CMSS1: variants seen among roughly 807,000 people sequenced by gnomAD.
CMSS1 encodes the protein cms1 ribosomal small subunit homolog.
In CMSS1, 33 loss-of-function variants were observed where a neutral mutation model predicts 43.5. The ratio of observed to expected loss-of-function variants is 0.76; its 90% CI spans 0.57 to 1.01. CMSS1 has a LOEUF of 1.01. Ranked by LOEUF, CMSS1 falls within the 50% of genes least tolerant of loss-of-function variation. The pLI, the probability that CMSS1 is intolerant of heterozygous loss-of-function variation, is 0.00. For synonymous variants in CMSS1, 115 were observed against 117.2 expected (o/e 0.98, Z 0.12); for missense variants, 313 against 326.4 (o/e 0.96, Z 0.32).
chr3:100,028,591 A>T (rs2064968672), intron 1 of CMSS1, among the ~76,000 whole-genome samples: 1 of 152,214 alleles, frequency 6.6e-6, no homozygotes, highest in Admixed American at 6.5e-5. Context: ...TAAAAATAAT[A>T]TGTATTTACC....
chr3:100,092,934 A>G (rs756679385), intron 1 of CMSS1, among the ~76,000 whole-genome samples: 4 of 151,886 alleles, frequency 2.6e-5, no homozygotes, highest in Non-Finnish European at 5.9e-5. Context: ...TATAAATATG[A>G]CATTCTCCTG....
chr3:99,899,295 C>T (rs1397718135), intron 1 of CMSS1, among the ~76,000 whole-genome samples: 3 of 152,180 alleles, frequency 2.0e-5, no homozygotes, highest in Admixed American at 6.5e-5. Flanking sequence ...TTTTGGTTTC[C>T]AATACCAAGT....
chr3:100,151,086 A>G (rs1296139312), intron 2 of CMSS1, among the ~76,000 whole-genome samples: 1 of 151,950 alleles, frequency 6.6e-6, no homozygotes, highest in Non-Finnish European at 1.5e-5. Flanking sequence ...TTTTCTTGCT[A>G]CTACTTTATT....
intron 1 of CMSS1, among the ~76,000 whole-genome samples, chr3:100,070,245 TGGGG>T (rs1365817400): frequency 1.3e-5 from 2 of 152,214 alleles, no homozygotes; most frequent in Non-Finnish European, 2.9e-5. Context: ...TTAGATTTTG[TGGGG>T]AGGTCAGTTG....
chr3:100,076,802 A>G (rs1233915561), intron 1 of CMSS1, among the ~76,000 whole-genome samples: 1 of 152,222 alleles, frequency 6.6e-6, no homozygotes, highest in Non-Finnish European at 1.5e-5. Flanking sequence ...AAAGTTGTTT[A>G]ATAAGATCTT....
chr3:100,004,893 G>C lies in CMSS1; in HGVS notation c.65-142080G>C, dbSNP rs561287767. 2.0e-4 allele frequency among the ~76,000 whole-genome samples: 31 copies of C among 152,302 alleles called. No individual in the cohort carries two copies. In the South Asian group the frequency reaches 3.1e-3, roughly 15 times the overall value. ...AGAGGCAGGAGAATTATTGGTGTCTGTTGGCAAGCAGATTCTCATAGCCTC... is the reference window on the plus strand; with the variant it reads ...AGAGGCAGGAGAATTATTGGTGTCTCTTGGCAAGCAGATTCTCATAGCCTC... On this transcript the variant is annotated intron_variant, in intron 1 of 9. Transcript: ENST00000421999.
intron 1 of CMSS1, among the ~76,000 whole-genome samples, chr3:100,067,000 A>ACC (rs2065676986): frequency 6.6e-6 from 1 of 152,196 alleles, no homozygotes; most frequent in Non-Finnish European, 1.5e-5. Context: ...CCATACACAT[A>ACC]TTGAGTGAGA....
In CMSS1 at chr3:99,846,458, G is replaced by A. The variant is rs184275200; in HGVS notation, c.64+28415G>A. On this transcript the variant is annotated intron_variant, in intron 1 of 9. Coordinates refer to ENST00000421999, the MANE Select transcript of CMSS1 (RefSeq NM_032359.4). ...TCTGTTTTGAAAGAGCTAAAATTAA[G>A]TTTGCCATTCCTTCTAGAGTTCTGG... is the stretch of plus-strand genomic sequence containing the variant. Among the ~76,000 whole-genome samples the A allele has an allele frequency of 3.5e-3, 527 of 152,302 alleles. 12 individuals carry two copies. The highest frequency in any genetic ancestry group is 5.9e-4 in the Non-Finnish European group (40 of 68,022).
At chr3:99,874,702 A>G (rs1705421355) in intron 1 of CMSS1, among the ~76,000 whole-genome samples, 1 of 152,226 alleles carries the variant, frequency 6.6e-6, no homozygotes, top group African/African-American at 2.4e-5. Context: ...AAACCATCCA[A>G]CAGAAATTAT....
intron 1 of CMSS1, among the ~76,000 whole-genome samples, chr3:99,858,235 G>A (rs1944069021): frequency 6.6e-6 from 1 of 152,158 alleles, no homozygotes; most frequent in African/African-American, 2.4e-5. Context: ...GGAGGCTGAG[G>A]CAGGCGGATC....
In CMSS1 at chr3:100,062,093, C is replaced by CTTTTTT. The variant is rs71907944; in HGVS notation, c.65-84849_65-84844dup. Among the ~76,000 whole-genome samples, 54 of 53,174 alleles carry CTTTTTT rather than the reference C, an allele frequency of 1.0e-3. 17 individuals carry two copies. Among genetic ancestry groups the CTTTTTT allele is most frequent in the African/African-American group, 3.4e-3 (38 of 11,236 alleles). 34.9% of individuals were successfully genotyped at this position (53,174 alleles called of 152,430 possible). ...CCACTTGTGGTTATCCTGTCTTCTT[C>CTTTTTT]TTTTTTTTTTTTTTTTTTTTTTTTT... On this transcript the variant is annotated intron_variant, in intron 1 of 9. Transcript: ENST00000421999.
intron 1 of CMSS1, among the ~76,000 whole-genome samples, chr3:100,014,802 T>G (rs1244553706): frequency 2.0e-5 from 3 of 149,140 alleles, no homozygotes; most frequent in Non-Finnish European, 4.5e-5. Context: ...ATCTTCATTC[T>G]ATTGATTTTT....
intron 1 of CMSS1, among the ~76,000 whole-genome samples, chr3:100,009,408 A>G (rs1710078912): frequency 6.6e-6 from 1 of 152,100 alleles, no homozygotes; most frequent in Non-Finnish European, 1.5e-5. Context: ...TGCTCCTGTT[A>G]GCAACCTGAG....
In CMSS1 at chr3:100,146,968, T is replaced by A. The variant is rs999163526; in HGVS notation, c.65-5T>A. The A allele has an allele frequency of 6.8e-6, 11 of 1,613,106 alleles. No individual in the cohort carries two copies. The East Asian group carries it at 2.5e-4, about 36-fold the overall frequency. Reference sequence around the variant, plus strand: ...TTTCTGATTTTCAAACTTTATATTTTCTAGAAGCATCAGATGGTGAAGGAG... The same window carrying A: ...TTTCTGATTTTCAAACTTTATATTTACTAGAAGCATCAGATGGTGAAGGAG... On this transcript the variant is annotated splice_polypyrimidine_tract_variant and splice_region_variant and intron_variant, in intron 1 of 9. Transcript: ENST00000421999.
At chr3:99,995,809 G>A (rs1709661545) in intron 1 of CMSS1, among the ~76,000 whole-genome samples, 1 of 152,176 alleles carries the variant, frequency 6.6e-6, no homozygotes, top group East Asian at 1.9e-4. Flanking sequence ...GCCCCTTTCA[G>A]CAATGGCCAG....
intron 1 of CMSS1, among the ~76,000 whole-genome samples, chr3:100,068,422 T>C (rs1471593090): frequency 1.3e-5 from 2 of 152,118 alleles, no homozygotes; most frequent in South Asian, 2.1e-4. Context: ...TAAACACATT[T>C]AACTACAAAA....
intron 1 of CMSS1, among the ~76,000 whole-genome samples, chr3:100,065,199 G>A (rs1559745423): frequency 6.6e-6 from 1 of 152,148 alleles, no homozygotes; most frequent in Non-Finnish European, 1.5e-5. Flanking sequence ...CAGACTTACT[G>A]AATCTGAATC....
chr3:99,861,510 T>C (rs755240016), intron 1 of CMSS1, among the ~76,000 whole-genome samples: 7 of 152,166 alleles, frequency 4.6e-5, no homozygotes, highest in Non-Finnish European at 8.8e-5. Flanking sequence ...ATGCTTTCAT[T>C]GTTTATCATT....
chr3:100,087,832 C>CTT lies in CMSS1; in HGVS notation c.65-59120_65-59119dup, dbSNP rs755041519. ...CAAAGATTTTCTCCTATTGTTTCAA[C>CTT]TTTTTTTTTTTTTTTTTTTTTTGAG... On this transcript the variant is annotated intron_variant, in intron 1 of 9. Transcript: ENST00000421999. 2.9e-3 allele frequency among the ~76,000 whole-genome samples: 327 copies of CTT among 114,088 alleles called. 5 individuals carry two copies. The highest frequency in any genetic ancestry group is 8.1e-3 in the African/African-American group (253 of 31,186). 74.8% of individuals were successfully genotyped at this position (114,088 alleles called of 152,430 possible).
Sources: allele counts gnomAD v4.1 joint callset (sites outside exome capture counted in the v4.1 genomes callset), GRCh38; gene constraint gnomAD v4.1.1; transcripts MANE v1.5; gene names NCBI Gene and HGNC (gene_info 2026-07-23, HGNC 2026-07-21).